Variants in TXNRD1 observed in about 807,000 individuals in gnomAD.
TXNRD1 encodes the protein thioredoxin reductase 1, also known as thioredoxin reductase 1, cytoplasmic.
A neutral mutation model predicts 80.3 loss-of-function variants in TXNRD1; 57 were observed. The observed-to-expected ratio is 0.71, with a 90% CI of 0.57 to 0.89. The LOEUF (loss-of-function observed/expected upper bound fraction) is 0.89. Among genes scored for constraint, TXNRD1 ranks in the 40% least tolerant of loss-of-function variants. TXNRD1 has a pLI of 0.00. For synonymous variants in TXNRD1, 291 were observed against 285.2 expected (o/e 1.02, Z -0.20); for missense variants, 730 against 803.0 (o/e 0.91, Z 1.10).
At chr12:104,281,836 T>A (rs2135735875) in intron 3 of TXNRD1, among the ~76,000 whole-genome samples, 1 of 152,284 alleles carries the variant, frequency 6.6e-6, no homozygotes, top group African/African-American at 2.4e-5. Context: ...TAAAATGAAA[T>A]CCAAAATCCT....
Position 104,301,054 on chromosome 12 carries a change from C to T in TXNRD1, c.415-10236C>T, listed in dbSNP as rs552472310. Among the ~76,000 whole-genome samples, 120 of 152,320 alleles carry T rather than the reference C, an allele frequency of 7.9e-4. 1 individual carries two copies. Among genetic ancestry groups the T allele is most frequent in the African/African-American group, 2.7e-3 (112 of 41,588 alleles). On this transcript the variant is annotated intron_variant, in intron 4 of 16. Transcript: ENST00000525566. ...GAGATCTAGCATAGAATGCATTCAG[C>T]ACTGTAAATCACAACTTAATGTTTG...
chr12:104,254,967 T>C (rs1227973696), intron 2 of TXNRD1, among the ~76,000 whole-genome samples: 1 of 151,780 alleles, frequency 6.6e-6, no homozygotes, highest in Non-Finnish European at 1.5e-5. Context: ...TAGCCAGGCA[T>C]GGTGGTGAAT....
intron 3 of TXNRD1, among the ~76,000 whole-genome samples, chr12:104,286,359 A>G (rs1003821545): frequency 2.0e-5 from 3 of 152,202 alleles, no homozygotes; most frequent in Admixed American, 6.5e-5. Context: ...TTTTTCTTAA[A>G]AAAAACAATA....
Position 104,256,277 on chromosome 12 carries a change from G to A in TXNRD1, c.244-1742G>A, listed in dbSNP as rs79708863. On this transcript the variant is annotated intron_variant, in intron 2 of 16. Coordinates refer to ENST00000525566, the MANE Select transcript of TXNRD1 (RefSeq NM_001093771.3). ...TGCCCATAAGGAAACTAACGTCTACGTAAAGGTAGCTTTCCGCTCTTGCAT... is the reference window on the plus strand; with the variant it reads ...TGCCCATAAGGAAACTAACGTCTACATAAAGGTAGCTTTCCGCTCTTGCAT... Among the ~76,000 whole-genome samples the A allele has an allele frequency of 6.1e-3, 924 of 152,304 alleles. 3 individuals are homozygous for A. Among genetic ancestry groups the A allele is most frequent in the South Asian group, 0.02 (97 of 4,820 alleles).
intron 2 of TXNRD1, among the ~76,000 whole-genome samples, chr12:104,253,779 C>T (rs111824499): frequency 0.055 from 8,282 of 151,522 alleles, 272 homozygotes; most frequent in Middle Eastern, 0.14. Context: ...CTGCAACCTC[C>T]GCCTCCTGGT....
chr12:104,274,505 G>C (rs2033716624), intron 3 of TXNRD1, among the ~76,000 whole-genome samples: 1 of 151,974 alleles, frequency 6.6e-6, no homozygotes, highest in Non-Finnish European at 1.5e-5. Context: ...AGAACAGCCT[G>C]GGCAACACGG....
At chr12:104,269,807 G>A (rs1465833543) in intron 3 of TXNRD1, among the ~76,000 whole-genome samples, 1 of 152,010 alleles carries the variant, frequency 6.6e-6, no homozygotes. Flanking sequence ...CTGACCTCGT[G>A]ATCCGCCTGC....
intron 1 of TXNRD1, among the ~76,000 whole-genome samples, chr12:104,219,397 G>A (rs2032296146): frequency 6.6e-6 from 1 of 152,208 alleles, no homozygotes; most frequent in African/African-American, 2.4e-5. Flanking sequence ...GGTTTTGCTT[G>A]AATGACTCTT....
chr12:104,322,374 CTTTTTTT>C (rs58288808), intron 10 of TXNRD1, among the ~76,000 whole-genome samples: 13 of 61,548 alleles, frequency 2.1e-4, no homozygotes, highest in African/African-American at 6.5e-4. Context: ...TTATTTTTAC[CTTTTTTT>C]TTTTTTTTTT....
In TXNRD1 at chr12:104,320,171, T is replaced by C. The variant is rs539734577; in HGVS notation, c.989+586T>C. ...ATTTTTGCCCGTCAAATGGTAACAC[T>C]GCTGACATTGTTCAGGAGCTTTCAA... On this transcript the variant is annotated intron_variant, in intron 9 of 16. Coordinates refer to ENST00000525566, the MANE Select transcript of TXNRD1 (RefSeq NM_001093771.3). 2.4e-4 allele frequency among the ~76,000 whole-genome samples: 37 copies of C among 152,368 alleles called. No homozygotes were observed. The South Asian group carries it at 7.7e-3, about 32-fold the overall frequency.
intron 1 of TXNRD1, among the ~76,000 whole-genome samples, chr12:104,226,764 C>G (rs921455934): frequency 3.3e-5 from 5 of 152,058 alleles, no homozygotes; most frequent in Non-Finnish European, 7.4e-5. Context: ...AAAATTAGGC[C>G]CGTAAATGCG....
intron 3 of TXNRD1, chr12:104,265,616 C>G: frequency 6.2e-7 from 1 of 1,607,508 alleles, no homozygotes; most frequent in Non-Finnish European, 8.5e-7. Context: ...CTGACCACCG[C>G]AGGCGCTGTC....
At chr12:104,233,467 G>C (rs1351880313) in intron 1 of TXNRD1, among the ~76,000 whole-genome samples, 1 of 152,006 alleles carries the variant, frequency 6.6e-6, no homozygotes, top group Non-Finnish European at 1.5e-5. Flanking sequence ...CCAAATTCTA[G>C]AGGAACCAGA....
intron 3 of TXNRD1, among the ~76,000 whole-genome samples, chr12:104,273,550 G>A (rs534270235): frequency 2.7e-4 from 41 of 152,172 alleles, no homozygotes; most frequent in African/African-American, 7.5e-4. Context: ...CCGAGATTGC[G>A]TCACTGCACT....
At chr12:104,259,206 C>G (rs2033312988) in intron 3 of TXNRD1, among the ~76,000 whole-genome samples, 1 of 151,990 alleles carries the variant, frequency 6.6e-6, no homozygotes, top group Admixed American at 6.6e-5. Context: ...TGGTGAAACC[C>G]TGTCTCTACT....
intron 1 of TXNRD1, among the ~76,000 whole-genome samples, chr12:104,239,035 T>C (rs536700321): frequency 6.6e-6 from 1 of 152,116 alleles, no homozygotes; most frequent in East Asian, 1.9e-4. Context: ...TGTCTGGTTT[T>C]GGAATCAGGG....
rs35005174 is a variant in TXNRD1 at position 104,327,010 on chromosome 12, C to T, written c.1386-505C>T. 3.3e-3 allele frequency among the ~76,000 whole-genome samples: 501 copies of T among 151,640 alleles called. 5 individuals carry two copies. Among genetic ancestry groups the T allele is most frequent in the African/African-American group, 0.012 (494 of 41,316 alleles). ...CCATCACACCTATAATCATGCTGGC[C>T]AGGCTGGTCTCCATCTTTTGGCCTC... On this transcript the variant is annotated intron_variant, in intron 12 of 16. Coordinates refer to ENST00000525566, the MANE Select transcript of TXNRD1 (RefSeq NM_001093771.3).
intron 1 of TXNRD1, among the ~76,000 whole-genome samples, chr12:104,243,664 C>CT (rs948520218): frequency 1.1e-4 from 16 of 152,182 alleles, no homozygotes; most frequent in African/African-American, 3.9e-4. Flanking sequence ...AGTCCAGATG[C>CT]TTTTAACCAC....
intron 3 of TXNRD1, chr12:104,280,779 C>G (rs892944808): frequency 2.0e-5 from 3 of 152,096 alleles, no homozygotes; most frequent in Non-Finnish European, 4.4e-5. Flanking sequence ...CTCAAGATTG[C>G]CACATCAATG....
Sources: gnomAD v4.1 joint callset for allele counts (sites outside exome capture counted in the v4.1 genomes callset) on GRCh38, gnomAD v4.1.1 for gene constraint, MANE v1.5 for transcripts, NCBI Gene and HGNC (gene_info 2026-07-23, HGNC 2026-07-21) for gene names.